The following NXF3 variants were observed in gnomAD, a reference collection of about 807,000 sequenced individuals.
The protein encoded by NXF3 is TAP-like protein 3.
In NXF3, 34 loss-of-function variants were observed where a neutral mutation model predicts 48.4. The observed-to-expected ratio is 0.70, with a 90% CI of 0.53 to 0.93. The LOEUF (loss-of-function observed/expected upper bound fraction) is 0.93, where lower values mean the gene tolerates loss of function less well. Ranked by LOEUF, NXF3 falls within the 40% of genes least tolerant of loss-of-function variation. NXF3 has a pLI of 0.00. For missense variants in NXF3, 359 were observed against 406.1 expected (o/e 0.88, Z 1.00); for synonymous variants, 132 against 145.7 (o/e 0.91, Z 0.68).
At position 103,088,996 on chromosome X, in the gene NXF3, C is replaced by G. The variant is rs12687733; in HGVS notation, c.28+4000G>C. The G allele has an allele frequency of 3.4e-6, 4 of 1,169,292 alleles. No homozygotes were observed. In the Admixed American group the frequency reaches 8.8e-5, roughly 26 times the overall value. ...GGTAGCACCAGGCAGCCCTGTCTTC[C>G]TAATGTACTTTTGGAATCAGAGCAA... On this transcript the variant is annotated intron_variant, in intron 1 of 19. Coordinates refer to ENST00000395065, the MANE Select transcript of NXF3 (RefSeq NM_022052.2).
intron 1 of NXF3, chrX:103,088,786 A>G: frequency 9.0e-7 from 1 of 1,113,368 alleles, no homozygotes; most frequent in East Asian, 3.0e-5. Flanking sequence ...CATAATGAAA[A>G]GAGTCCTTAT....
At position 103,080,065 on chromosome X, in the gene NXF3, T is replaced by C; in HGVS notation, c.1000A>G (p.Ser334Gly). The change falls in exon 12 of 20, where the codon AGC (serine) becomes GGC (glycine). Residue 334 changes from serine to glycine, a missense_variant. Transcript: ENST00000395065. ...AHKRLPTCKG[S>G]FFGSEMLKNL... ...TTCAACATCTCAGATCCAAAGAAGC[T>C]TCCCTGGAATAAAGAGTCCCCAGGA... The C allele has an allele frequency of 8.3e-7, 1 of 1,211,037 alleles. No individual in the cohort carries two copies. Among genetic ancestry groups the C allele is most frequent in the Non-Finnish European group, 1.1e-6 (1 of 895,184 alleles).
At chrX:103,077,858 G>A in intron 17 of NXF3, 112 bp from the exon 18 acceptor site, 1 of 896,144 alleles carries the variant, frequency 1.1e-6, no homozygotes, top group South Asian at 2.3e-5. Context: ...CCTCTACTGT[G>A]CCTCCCTCCT....
At position 103,080,201 on chromosome X, in the gene NXF3, G is replaced by A. The variant is rs1214111501; in HGVS notation, c.943C>T (p.Pro315Ser). The change falls in exon 11 of 20, where the codon CCC becomes TCC. Residue 315 changes from proline to serine, a missense_variant. Physicochemically the swap from Pro to Ser is moderately conservative, Grantham distance 74. Coordinates refer to ENST00000395065, the MANE Select transcript of NXF3 (RefSeq NM_022052.2). The part of the protein sequence containing the change: ...KLLCLDGQQS[P>S]RATLCGTEAH... ...TCAGTACCACATAAAGTTGCTCTGGGTGACTGCTGGCCATCCTGGGGAAGG... is the reference window on the plus strand; with the variant it reads ...TCAGTACCACATAAAGTTGCTCTGGATGACTGCTGGCCATCCTGGGGAAGG... The A allele has an allele frequency of 1.7e-6, 2 of 1,211,480 alleles. No homozygotes were observed. The highest frequency in any genetic ancestry group is 2.2e-6 in the Non-Finnish European group (2 of 895,371).
chrX:103,093,112 G>A lies in NXF3; in HGVS notation c.-89C>T, dbSNP rs370835913. 5.8e-6 allele frequency: 5 copies of A among 865,054 alleles called. No homozygotes were observed. The African/African-American group carries it at 7.9e-5, about 14-fold the overall frequency. The allele number at this position is 865,054 out of a possible 1,213,427, so 71.3% of individuals were successfully genotyped here. A position where few individuals can be genotyped will look rare whatever the true frequency, so the allele number is the denominator to read the frequency against. ...GAGAAGATTGAGGAGGGCTGCTGACGAAGGCGAGAGCAAGCCTCAAGCCTT... is the reference window on the plus strand; with the variant it reads ...GAGAAGATTGAGGAGGGCTGCTGACAAAGGCGAGAGCAAGCCTCAAGCCTT... On this transcript the variant is annotated 5_prime_UTR_variant, in exon 1 of 20. Transcript: ENST00000395065.
chrX:103,083,684 A>T lies in NXF3; in HGVS notation c.360T>A (p.Phe120Leu). Residue 120 changes from phenylalanine to leucine, a missense_variant, in exon 4 of 20, where the codon TTT (phenylalanine) becomes TTA (leucine). Transcript: ENST00000395065. ...GCCACTTCTCATTGTATTTTATGCC[A>T]AAGGGAACCTATGAGTGAAAGAAAG... ...LGSWFKITVP[F>L]GIKYNEKWLL... 1.7e-6 allele frequency: 2 copies of T among 1,199,088 alleles called. No individual in the cohort carries two copies. Among genetic ancestry groups the T allele is most frequent in the Non-Finnish European group, 2.3e-6 (2 of 883,878 alleles).
At chrX:103,092,003 AAAG>A (rs1663112377) in intron 1 of NXF3, among the ~76,000 whole-genome samples, 1 of 109,405 alleles carries the variant, frequency 9.1e-6, no homozygotes, top group Non-Finnish European at 1.9e-5. Context: ...AAAAAAAAAA[AAAG>A]AAGAAGATTA....
chrX:103,076,871 C>G (rs761088578), intron 18 of NXF3, among the ~76,000 whole-genome samples: 2 of 109,547 alleles, frequency 1.8e-5, no homozygotes, highest in African/African-American at 6.7e-5. Context: ...TTTCCCTACC[C>G]TCCCCCTTAC....
At position 103,082,836 on chromosome X, in the gene NXF3, C is replaced by A. The variant is rs779085144; in HGVS notation, c.704G>T (p.Arg235Leu). 9.1e-6 allele frequency: 11 copies of A among 1,206,882 alleles called. No homozygotes were observed. Among genetic ancestry groups the A allele is most frequent in the Non-Finnish European group, 1.2e-5 (11 of 892,591 alleles). The change falls in exon 8 of 20, where the codon CGT becomes CTT. Residue 235 changes from arginine to leucine, a missense_variant. Arg to Leu is a moderately radical substitution (Grantham distance 102). Transcript: ENST00000395065. ...RLPFYPDMVNRDTKMASNPRK... is the reference protein window; with the variant it reads ...RLPFYPDMVNLDTKMASNPRK... ...AGGATTCGATGCCATCTTAGTATCA[C>A]GGTTCACCATGTCTCCAGAAAGCAG...
At chrX:103,087,974 A>T (rs2147597216) in intron 1 of NXF3, 3 of 963,249 alleles carry the variant, frequency 3.1e-6, no homozygotes, top group Non-Finnish European at 4.4e-6. Context: ...CTGCCTAATA[A>T]GTTAAATGCA....
chrX:103,076,216 C>A, intron 19 of NXF3, 25 bp downstream of exon 19: 1 of 1,132,554 alleles, frequency 8.8e-7, no homozygotes, highest in Non-Finnish European at 1.2e-6. Flanking sequence ...CCTCTGCTCA[C>A]TTGGCCTGAA....
At chrX:103,091,744 G>GGGA (rs1437883716) in intron 1 of NXF3, among the ~76,000 whole-genome samples, 1 of 110,702 alleles carries the variant, frequency 9.0e-6, no homozygotes, top group Non-Finnish European at 1.9e-5. Context: ...CCAGCACTTT[G>GGGA]GGAGGCCGAG....
chrX:103,075,875 G>A lies in NXF3; in HGVS notation c.*175C>T, dbSNP rs996498743. 2 of 162,452 alleles carry A rather than the reference G, an allele frequency of 1.2e-5. No homozygotes were observed. The highest frequency in any genetic ancestry group is 2.4e-5 in the Non-Finnish European group (2 of 84,975). 13.4% of individuals were successfully genotyped at this position (162,452 alleles called of 1,213,427 possible). A position where few individuals can be genotyped will look rare whatever the true frequency, so the allele number is the denominator to read the frequency against. ...GTGAAAAGGAACAGAGATCCTGGGG[G>A]TAACAGGGGTGGACAAGTGCACAGA... is the stretch of plus-strand genomic sequence containing the variant. On this transcript the variant is annotated 3_prime_UTR_variant, in exon 20 of 20. Coordinates refer to ENST00000395065, the MANE Select transcript of NXF3 (RefSeq NM_022052.2).
chrX:103,085,277 A>G (rs1922117122), intron 1 of NXF3, among the ~76,000 whole-genome samples: 1 of 111,956 alleles, frequency 8.9e-6, no homozygotes, highest in Non-Finnish European at 1.9e-5. Context: ...GGGGAACATT[A>G]ACAGCCAAGG....
In NXF3 at chrX:103,090,275, T is replaced by C. The variant is rs1922243205; in HGVS notation, c.28+2721A>G. Among the ~76,000 whole-genome samples, 3 of 112,244 alleles carry C rather than the reference T, an allele frequency of 2.7e-5. 1 individual carries two copies. In the South Asian group the frequency reaches 1.1e-3, roughly 41 times the overall value. ...TGGCAATGACTAGGTCTAGTTTTAG[T>C]TTTTATTTTTGCAAGAGTCTAATGC... On this transcript the variant is annotated intron_variant, in intron 1 of 19. Coordinates refer to ENST00000395065, the MANE Select transcript of NXF3 (RefSeq NM_022052.2).
chrX:103,086,545 G>T (rs751823666), intron 1 of NXF3, among the ~76,000 whole-genome samples: 2 of 110,091 alleles, frequency 1.8e-5, no homozygotes, highest in East Asian at 2.9e-4. Flanking sequence ...TGTGGAAAAA[G>T]AACTTAAAAC....
chrX:103,090,158 A>C (rs1452311340), intron 1 of NXF3, among the ~76,000 whole-genome samples: 2 of 112,011 alleles, frequency 1.8e-5, no homozygotes, highest in Non-Finnish European at 3.8e-5. Context: ...TCATCTCCAT[A>C]AGACTTTAAC....
At chrX:103,082,640 G>A in intron 8 of NXF3, 120 bp downstream of exon 8, 2 of 602,042 alleles carry the variant, frequency 3.3e-6, no homozygotes, top group Non-Finnish European at 2.7e-6. Flanking sequence ...AAGCTATGGG[G>A]AGGAATGAAT....
intron 9 of NXF3, chrX:103,081,978 C>T (rs913846480): frequency 5.8e-5 from 19 of 327,552 alleles, no homozygotes; most frequent in Non-Finnish European, 9.8e-5. Flanking sequence ...GTGGGGGAGC[C>T]CCGCTTCCTG....
Sources: allele counts gnomAD v4.1 joint callset (sites outside exome capture counted in the v4.1 genomes callset), GRCh38; gene constraint gnomAD v4.1.1; transcripts MANE v1.5; gene names NCBI Gene and HGNC (gene_info 2026-07-23, HGNC 2026-07-21).